TLK1: variants seen among roughly 807,000 people sequenced by gnomAD.
TLK1 encodes the protein tousled like kinase 1.
A neutral mutation model predicts 105.3 loss-of-function variants in TLK1; 24 were observed. The observed-to-expected ratio is 0.23, with a 90% CI of 0.17 to 0.32. The LOEUF is 0.32. Ranked by LOEUF, TLK1 falls within the 10% of genes least tolerant of loss-of-function variation. The probability of loss-of-function intolerance (pLI) is 1.00; values close to 1 mark genes in which losing one functional copy is unlikely to be tolerated. For missense variants in TLK1, 558 were observed against 910.5 expected (o/e 0.61, Z 4.98); for synonymous variants, 321 against 310.4 (o/e 1.03, Z -0.36).
intron 1 of TLK1, among the ~76,000 whole-genome samples, chr2:171,198,809 T>C (rs1693326577): frequency 6.6e-6 from 1 of 152,254 alleles, no homozygotes; most frequent in African/African-American, 2.4e-5. Flanking sequence ...TTTTAGTTCT[T>C]TACTGATGAT....
chr2:171,146,261 C>T (rs577821209), intron 1 of TLK1, among the ~76,000 whole-genome samples: 25 of 152,116 alleles, frequency 1.6e-4, no homozygotes, highest in Admixed American at 9.2e-4. Flanking sequence ...GAGTTCCAGG[C>T]TGCAGTGAGC....
intron 2 of TLK1, among the ~76,000 whole-genome samples, chr2:171,085,805 T>C (rs1007173400): frequency 4.6e-5 from 7 of 152,166 alleles, no homozygotes; most frequent in African/African-American, 7.2e-5. Flanking sequence ...ATATGACTTA[T>C]TGTTGATCAA....
At chr2:171,076,003 C>T (rs996230873) in intron 3 of TLK1, among the ~76,000 whole-genome samples, 3 of 152,020 alleles carry the variant, frequency 2.0e-5, no homozygotes, top group African/African-American at 2.4e-5. Flanking sequence ...AGGTCACTTG[C>T]GGTCAGGAGT....
chr2:171,168,083 C>T (rs1040716619), intron 1 of TLK1, among the ~76,000 whole-genome samples: 10 of 152,052 alleles, frequency 6.6e-5, no homozygotes, highest in African/African-American at 2.4e-4. Flanking sequence ...AAATCTTACC[C>T]TGGACATTGT....
intron 1 of TLK1, among the ~76,000 whole-genome samples, chr2:171,217,420 T>C (rs1327761761): frequency 6.6e-6 from 1 of 152,240 alleles, no homozygotes; most frequent in African/African-American, 2.4e-5. Context: ...AGAACTGGTT[T>C]CTGGACCCTC....
At chr2:171,060,831 T>G (rs758865967) in intron 4 of TLK1, among the ~76,000 whole-genome samples, 8 of 152,190 alleles carry the variant, frequency 5.3e-5, no homozygotes, top group Non-Finnish European at 1.0e-4. Flanking sequence ...ATATAAAGAA[T>G]GAAAAATGAA....
At chr2:171,211,822 AC>A (rs753447394) in intron 1 of TLK1, among the ~76,000 whole-genome samples, 2 of 149,554 alleles carry the variant, frequency 1.3e-5, no homozygotes, top group Non-Finnish European at 1.5e-5. Context: ...TGCTGGGATT[AC>A]AGGCGTGAGC....
intron 5 of TLK1, 23 bp downstream of exon 5, chr2:171,058,128 G>C: frequency 6.2e-7 from 1 of 1,612,512 alleles, no homozygotes; most frequent in Non-Finnish European, 8.5e-7. Context: ...TTAGGAAATG[G>C]AGACAATCCT....
chr2:171,193,298 T>G (rs975946982), intron 1 of TLK1, among the ~76,000 whole-genome samples: 1 of 152,146 alleles, frequency 6.6e-6, no homozygotes, highest in Non-Finnish European at 1.5e-5. Flanking sequence ...TCCTAGGACT[T>G]CATAAACCTC....
intron 1 of TLK1, among the ~76,000 whole-genome samples, chr2:171,185,221 C>T (rs1693004630): frequency 6.6e-6 from 1 of 152,090 alleles, no homozygotes; most frequent in Non-Finnish European, 1.5e-5. Context: ...ATCCTTACCT[C>T]TTTATTTGGG....
chr2:171,053,827 T>C lies in TLK1; in HGVS notation c.666A>G (p.Ala222=), dbSNP rs149844334. ...CCTGGATTTTATTACTTTCTAATGC[T>C]GCTAATTTCAGCATTGTGAGATCAG... is the stretch of plus-strand genomic sequence containing the variant. The part of the protein sequence containing the change: ...IQTDLTMLKL[A]ALESNKIQDL... The change falls in exon 8 of 21, where the codon GCA becomes GCG. Residue 222 remains alanine, a synonymous_variant. Transcript: ENST00000431350. 152 of 1,609,834 alleles carry C rather than the reference T, an allele frequency of 9.4e-5. No individual in the cohort carries two copies. The East Asian group carries it at 3.0e-3, about 32-fold the overall frequency.
upstream of TLK1, among the ~76,000 whole-genome samples, chr2:171,163,339 C>T (rs1192920468): frequency 6.6e-6 from 1 of 152,172 alleles, no homozygotes; most frequent in African/African-American, 2.4e-5. Flanking sequence ...TGGATACATA[C>T]CCAGGATCTT....
At chr2:171,088,998 C>T (rs1293578841) in intron 2 of TLK1, among the ~76,000 whole-genome samples, 2 of 152,230 alleles carry the variant, frequency 1.3e-5, no homozygotes, top group African/African-American at 4.8e-5. Context: ...GATTCTGCCT[C>T]AGCCTTCTGA....
chr2:171,057,508 TATC>T (rs1427038227), intron 5 of TLK1, among the ~76,000 whole-genome samples: 1 of 152,054 alleles, frequency 6.6e-6, no homozygotes, highest in Non-Finnish European at 1.5e-5. Flanking sequence ...GAGCATCAGG[TATC>T]TCATGGTCAG....
chr2:171,128,771 C>T (rs1217304260), intron 1 of TLK1, among the ~76,000 whole-genome samples: 1 of 152,100 alleles, frequency 6.6e-6, no homozygotes, highest in Non-Finnish European at 1.5e-5. Context: ...TATACACATA[C>T]ATACAAATGT....
chr2:171,061,380 T>A (rs1186986082), intron 3 of TLK1, among the ~76,000 whole-genome samples: 1 of 152,238 alleles, frequency 6.6e-6, no homozygotes, highest in African/African-American at 2.4e-5. Context: ...TTATCTGATA[T>A]TCAGTTACAG....
chr2:171,020,647 A>G (rs1685452814), intron 12 of TLK1, among the ~76,000 whole-genome samples: 1 of 152,178 alleles, frequency 6.6e-6, no homozygotes, highest in African/African-American at 2.4e-5. Context: ...TTATTATGTC[A>G]CCATATTATA....
chr2:171,201,360 G>T (rs889516652), intron 1 of TLK1, among the ~76,000 whole-genome samples: 1 of 152,026 alleles, frequency 6.6e-6, no homozygotes, highest in Non-Finnish European at 1.5e-5. Flanking sequence ...GTCATCAATC[G>T]TTATGAAGCA....
intron 1 of TLK1, among the ~76,000 whole-genome samples, chr2:171,228,882 T>G (rs764269651): frequency 6.6e-6 from 1 of 152,244 alleles, no homozygotes; most frequent in Admixed American, 6.5e-5. Flanking sequence ...ATAACCTTTC[T>G]GTCAATGCCT....
Sources: gnomAD v4.1 joint callset for allele counts (sites outside exome capture counted in the v4.1 genomes callset) on GRCh38, gnomAD v4.1.1 for gene constraint, MANE v1.5 for transcripts, NCBI Gene and HGNC (gene_info 2026-07-23, HGNC 2026-07-21) for gene names.